ATP6V1G1: variants seen among roughly 807,000 people sequenced by gnomAD.
The protein encoded by ATP6V1G1 is ATPase H+ transporting V1 subunit G1.
A neutral mutation model predicts 14.2 loss-of-function variants in ATP6V1G1; 14 were observed. The observed-to-expected ratio is 0.99, with a 90% CI of 0.65 to 1.55. ATP6V1G1 has a LOEUF of 1.55. ATP6V1G1 is among the 40% of genes most tolerant of loss of function. The pLI is 0.00. For missense variants in ATP6V1G1, 137 were observed against 146.4 expected (o/e 0.94, Z 0.33); for synonymous variants, 65 against 53.3 (o/e 1.22, Z -0.96).
At chr9:114,593,719 G>C (rs948824307) in intron 2 of ATP6V1G1, among the ~76,000 whole-genome samples, 4 of 151,572 alleles carry the variant, frequency 2.6e-5, no homozygotes, top group African/African-American at 7.3e-5. Context: ...GGCTGGTCTC[G>C]AACTCCTGGC....
intron 1 of ATP6V1G1, 193 bp downstream of exon 1, chr9:114,588,113 G>A: frequency 1.6e-6 from 1 of 630,112 alleles, no homozygotes; most frequent in Non-Finnish European, 2.7e-6. Context: ...GCCACGATGT[G>A]AGATGGTAAA....
intron 2 of ATP6V1G1, among the ~76,000 whole-genome samples, chr9:114,593,051 C>T (rs2133558698): frequency 6.6e-6 from 1 of 152,224 alleles, no homozygotes; most frequent in African/African-American, 2.4e-5. Flanking sequence ...CGGTCATAAA[C>T]ATAAATCAAA....
chr9:114,596,335 C>A (rs1021028426), intron 2 of ATP6V1G1, among the ~76,000 whole-genome samples: 2 of 147,090 alleles, frequency 1.4e-5, no homozygotes, highest in East Asian at 4.0e-4. Flanking sequence ...TTGCAGTGAA[C>A]GGAGATCGCG....
At chr9:114,596,071 G>T (rs997535370) in intron 2 of ATP6V1G1, among the ~76,000 whole-genome samples, 1 of 152,046 alleles carries the variant, frequency 6.6e-6, no homozygotes, top group Admixed American at 6.6e-5. Context: ...ATTCATGTCA[G>T]TGTGTGTGAA....
At chr9:114,596,695 A>G (rs1188980429) in intron 2 of ATP6V1G1, among the ~76,000 whole-genome samples, 1 of 152,116 alleles carries the variant, frequency 6.6e-6, no homozygotes, top group East Asian at 1.9e-4. Context: ...GCTCCAAGTC[A>G]TGATCCTCCT....
At chr9:114,588,696 A>AT (rs1845153871) in intron 1 of ATP6V1G1, among the ~76,000 whole-genome samples, 1 of 152,226 alleles carries the variant, frequency 6.6e-6, no homozygotes, top group East Asian at 1.9e-4. Flanking sequence ...TTGCTAAAGA[A>AT]TTTAACAGGT....
At chr9:114,597,325 A>G (rs1365807558) in intron 2 of ATP6V1G1, among the ~76,000 whole-genome samples, 2 of 152,006 alleles carry the variant, frequency 1.3e-5, no homozygotes, top group African/African-American at 2.4e-5. Flanking sequence ...ATGCGAATAC[A>G]TGTCTTTGGA....
chr9:114,597,604 T>G lies in ATP6V1G1; in HGVS notation c.218T>G (p.Val73Gly), dbSNP rs778543044. Residue 73 changes from valine (V) to glycine (G), a missense_variant, in exon 3 of 3, where the codon GTG becomes GGG. By Grantham distance (109) the Val-to-Gly change is moderately radical (BLOSUM62 -3). Transcript: ENST00000374050. The stretch of plus-strand genomic sequence containing the variant: ...TCCCGTGGCAGTTGCAGCACTGAAG[T>G]GGAGAAGGAGACCCAGGAGAAGATG... Reference protein sequence around the residue: ...LGSRGSCSTEVEKETQEKMTI... With the variant: ...LGSRGSCSTEGEKETQEKMTI... 6.5e-7 allele frequency: 1 copy of G among 1,549,046 alleles called. No individual in the cohort carries two copies.
chr9:114,594,867 T>C (rs1485173134), intron 2 of ATP6V1G1, among the ~76,000 whole-genome samples: 1 of 148,312 alleles, frequency 6.7e-6, no homozygotes, highest in Non-Finnish European at 1.5e-5. Context: ...TTTTCTTTTT[T>C]TTTTTTTTTT....
intron 2 of ATP6V1G1, among the ~76,000 whole-genome samples, chr9:114,595,604 A>G (rs896954661): frequency 1.3e-5 from 2 of 152,120 alleles, no homozygotes; most frequent in African/African-American, 4.8e-5. Context: ...CAGTGAGCCG[A>G]GATCGTACCA....
At chr9:114,597,248 C>T (rs1452473130) in intron 2 of ATP6V1G1, among the ~76,000 whole-genome samples, 2 of 152,114 alleles carry the variant, frequency 1.3e-5, no homozygotes, top group Non-Finnish European at 2.9e-5. Context: ...CCTCGGCCTC[C>T]CAAAGTGCTG....
At chr9:114,588,772 C>T (rs1305802699) in intron 1 of ATP6V1G1, among the ~76,000 whole-genome samples, 2 of 152,162 alleles carry the variant, frequency 1.3e-5, no homozygotes, top group Non-Finnish European at 2.9e-5. Flanking sequence ...CCATTCTCCT[C>T]TCTGCAATCA....
intron 1 of ATP6V1G1, among the ~76,000 whole-genome samples, chr9:114,591,839 A>G (rs1176007676): frequency 2.6e-5 from 4 of 152,082 alleles, no homozygotes; most frequent in Non-Finnish European, 5.9e-5. Context: ...CGGAGACTCA[A>G]AGCAGAGATT....
At chr9:114,590,584 C>G (rs1845173878) in intron 1 of ATP6V1G1, among the ~76,000 whole-genome samples, 1 of 151,466 alleles carries the variant, frequency 6.6e-6, no homozygotes, top group African/African-American at 2.4e-5. Flanking sequence ...CCTTGCCTGT[C>G]TCAGAATTGT....
chr9:114,588,526 T>TGC, intron 1 of ATP6V1G1, among the ~76,000 whole-genome samples: 1 of 151,340 alleles, frequency 6.6e-6, no homozygotes, highest in East Asian at 1.9e-4. Context: ...TGTGTGTGTG[T>TGC]GTGTGTGTGT....
At chr9:114,587,960 G>A (rs1370800107) in intron 1 of ATP6V1G1, 40 bp downstream of exon 1, 1 of 1,550,406 alleles carries the variant, frequency 6.4e-7, no homozygotes, top group Admixed American at 2.0e-5. Flanking sequence ...GGCGCGAGTC[G>A]AAGAAAGACC....
Position 114,587,851 on chromosome 9 carries a change from TC to T in ATP6V1G1, c.14del (p.Ser5PhefsTer29). 6.3e-7 allele frequency: 1 copy of T among 1,593,004 alleles called. No homozygotes were observed. Among genetic ancestry groups the T allele is most frequent in the Non-Finnish European group, 8.5e-7 (1 of 1,170,212 alleles). On this transcript the variant is annotated frameshift_variant, in exon 1 of 3. Transcript: ENST00000374050. LOFTEE classifies it high-confidence loss of function. MASQ[S>X]QGIQQLLQAE... ...AATCGCTGCCGCCATGGCTAGTCAG[TC>T]TCAGGGGATTCAGCAGCTGCTGCAG... is the stretch of plus-strand genomic sequence containing the variant.
chr9:114,592,776 TTTA>T, intron 2 of ATP6V1G1, 124 bp downstream of exon 2: 1 of 950,978 alleles, frequency 1.1e-6, no homozygotes, highest in Non-Finnish European at 1.6e-6. Context: ...AGCTGTGTGT[TTTA>T]TTGGCTGCTC....
intron 2 of ATP6V1G1, among the ~76,000 whole-genome samples, chr9:114,597,227 T>C (rs1845249077): frequency 6.6e-6 from 1 of 152,036 alleles, no homozygotes; most frequent in Non-Finnish European, 1.5e-5. Context: ...CCTGACCTCG[T>C]GATCCGCCCG....
Sources: gnomAD v4.1 joint callset for allele counts (sites outside exome capture counted in the v4.1 genomes callset) on GRCh38, gnomAD v4.1.1 for gene constraint, MANE v1.5 for transcripts, NCBI Gene and HGNC (gene_info 2026-07-23, HGNC 2026-07-21) for gene names.